CRHR2: variants seen among roughly 807,000 people sequenced by gnomAD.
CRHR2 encodes corticotropin-releasing hormone receptor 2.
Under a neutral mutation model 57.9 loss-of-function variants are expected in CRHR2, and 53 were observed. The observed-to-expected ratio is 0.92, with a 90% confidence interval of 0.73 to 1.15. CRHR2 has a LOEUF of 1.15. Among genes scored for constraint, CRHR2 ranks in the 50% most tolerant of loss-of-function variants. The probability of loss-of-function intolerance (pLI) is 0.00; values close to 1 mark genes in which losing one functional copy is unlikely to be tolerated. For synonymous variants in CRHR2, 213 were observed against 220.9 expected (o/e 0.96, Z 0.32); for missense variants, 532 against 542.6 (o/e 0.98, Z 0.19).
intron 1 of CRHR2, among the ~76,000 whole-genome samples, chr7:30,698,423 G>A (rs1474959584): frequency 6.6e-6 from 1 of 152,138 alleles, no homozygotes; most frequent in African/African-American, 2.4e-5. Context: ...GGGACGGGCT[G>A]AGGGGCAACC....
chr7:30,689,181 G>T, intron 2 of CRHR2: 1 of 1,548,392 alleles, frequency 6.5e-7, no homozygotes, highest in Non-Finnish European at 8.7e-7. Context: ...TGGTGGCAGA[G>T]GGTACCTACC....
intron 8 of CRHR2, among the ~76,000 whole-genome samples, chr7:30,660,226 C>T (rs920836045): frequency 5.3e-5 from 8 of 152,326 alleles, no homozygotes; most frequent in African/African-American, 1.9e-4. Context: ...CAGAAGCCCG[C>T]ACACTCTTCT....
At chr7:30,676,207 TCTGGATGGCCACAAGGGCATCCA>T (rs1227901631) in intron 2 of CRHR2, among the ~76,000 whole-genome samples, 1 of 152,222 alleles carries the variant, frequency 6.6e-6, no homozygotes, top group African/African-American at 2.4e-5. Flanking sequence ...CTCTGGGGTG[TCTGGATGGCCACAAGGGCATCCA>T]CTTCTGCTCT....
chr7:30,685,715 A>G (rs957715857), upstream of CRHR2, among the ~76,000 whole-genome samples: 3 of 152,240 alleles, frequency 2.0e-5, no homozygotes, highest in African/African-American at 7.2e-5. Context: ...CTTGTTTTAC[A>G]GATGGACAAT....
chr7:30,692,723 C>T (rs1022880496), intron 1 of CRHR2, among the ~76,000 whole-genome samples: 2 of 152,162 alleles, frequency 1.3e-5, no homozygotes, highest in East Asian at 3.9e-4. Context: ...AGTGCTAGAC[C>T]TGCCTCTAAA....
intron 2 of CRHR2, 64 bp downstream of exon 2, chr7:30,681,851 A>G (rs897145630): frequency 1.3e-6 from 2 of 1,543,162 alleles, no homozygotes; most frequent in Admixed American, 4.2e-5. Flanking sequence ...AATCCTCTTT[A>G]CTCCCTAAAC....
chr7:30,688,944 G>T (rs568358208), intron 2 of CRHR2: 3 of 609,976 alleles, frequency 4.9e-6, no homozygotes, highest in Non-Finnish European at 9.2e-6. Flanking sequence ...GACTTCCATC[G>T]TGGGAGCTGG....
chr7:30,666,576 C>G (rs36086584), intron 3 of CRHR2, among the ~76,000 whole-genome samples: 18,970 of 152,276 alleles, frequency 0.12, 1,575 homozygotes, highest in Non-Finnish European at 0.17. Context: ...TGCAGAATCA[C>G]TTTCTCAGGG....
chr7:30,654,912 C>T lies in CRHR2; in HGVS notation c.1095+127G>A, dbSNP rs73294471. The T allele has an allele frequency of 4.0e-3, 6,265 of 1,552,540 alleles. 195 individuals carry two copies. The African/African-American group carries it at 0.07, about 17-fold the overall frequency. ...AGAAGGATTCCTGTTCCCCTAAGGC[C>T]GGGTGGTATCTCAAGGCTTCCTCTC... On this transcript the variant is annotated intron_variant, in intron 11 of 11. Coordinates refer to ENST00000471646, the MANE Select transcript of CRHR2 (RefSeq NM_001883.5).
intron 6 of CRHR2, among the ~76,000 whole-genome samples, chr7:30,662,457 A>T (rs1784042098): frequency 6.6e-6 from 1 of 152,196 alleles, no homozygotes; most frequent in Non-Finnish European, 1.5e-5. Flanking sequence ...TGAGCCAGAG[A>T]CAAAGGCCTT....
chr7:30,670,092 C>G (rs1357625109), intron 2 of CRHR2, among the ~76,000 whole-genome samples: 1 of 152,044 alleles, frequency 6.6e-6, no homozygotes, highest in Non-Finnish European at 1.5e-5. Context: ...GCCCTTGAAC[C>G]ACAATAACAC....
chr7:30,678,684 A>T (rs1784599922), intron 2 of CRHR2, among the ~76,000 whole-genome samples: 1 of 152,094 alleles, frequency 6.6e-6, no homozygotes, highest in Non-Finnish European at 1.5e-5. Context: ...CTGCTTCCTG[A>T]ACATCTCCAC....
chr7:30,670,856 C>G (rs1784332790), intron 2 of CRHR2, among the ~76,000 whole-genome samples: 1 of 152,204 alleles, frequency 6.6e-6, no homozygotes, highest in African/African-American at 2.4e-5. Context: ...GGAGTGTGGG[C>G]TTCCAGGGGC....
Position 30,655,031 on chromosome 7 carries a change from C to T in CRHR2, c.1095+8G>A. The T allele has an allele frequency of 6.2e-7, 1 of 1,612,894 alleles. No individual in the cohort carries two copies. Among genetic ancestry groups the T allele is most frequent in the Non-Finnish European group, 8.5e-7 (1 of 1,179,354 alleles). ...ATCCCAGGCCACCCCGAGGGCCCAG[C>T]TTCATACCTCTCCATTGAAGAAGCA... On this transcript the variant is annotated splice_region_variant and intron_variant, in intron 11 of 11. Transcript: ENST00000471646.
chr7:30,653,993 C>T lies in CRHR2; in HGVS notation c.1096-393G>A, dbSNP rs781466283. On this transcript the variant is annotated intron_variant, in intron 11 of 11. Transcript: ENST00000471646. This position sits in a 1 kb window ranked among gnomAD's most constrained non-coding sequence, Gnocchi z 5.0. ...TTGCAGGGCGTTGGTGGTGTGCGCC[C>T]AGCTCACACACCTGGTGCGCCTCCT... 5.3e-5 allele frequency among the ~76,000 whole-genome samples: 8 copies of T among 152,090 alleles called. No homozygotes were observed. The highest frequency in any genetic ancestry group is 7.2e-5 in the African/African-American group (3 of 41,416).
At chr7:30,663,671 C>G (rs1784092354) in intron 5 of CRHR2, among the ~76,000 whole-genome samples, 2 of 152,222 alleles carry the variant, frequency 1.3e-5, no homozygotes, top group Non-Finnish European at 2.9e-5. Flanking sequence ...GACCCTGCCC[C>G]TTTAGAGCCA....
chr7:30,669,721 G>A (rs1784298132), intron 2 of CRHR2, among the ~76,000 whole-genome samples: 1 of 152,056 alleles, frequency 6.6e-6, no homozygotes, highest in African/African-American at 2.4e-5. Flanking sequence ...TCTGCTTAAA[G>A]CCATCAGTGG....
At chr7:30,686,577 G>C (rs1218623861), upstream of CRHR2, 2 of 1,490,456 alleles carry the variant, frequency 1.3e-6, no homozygotes, top group Non-Finnish European at 1.8e-6. Flanking sequence ...GGGAAGCCAA[G>C]GTAGGCAGAT....
intron 2 of CRHR2, among the ~76,000 whole-genome samples, chr7:30,679,132 C>A (rs1275432668): frequency 6.6e-6 from 1 of 152,214 alleles, no homozygotes; most frequent in Non-Finnish European, 1.5e-5. Flanking sequence ...GCCTAGAGGG[C>A]CTCTCCTGTG....
Sources: allele counts gnomAD v4.1 joint callset (sites outside exome capture counted in the v4.1 genomes callset), GRCh38; gene constraint gnomAD v4.1.1; non-coding constraint Gnocchi (gnomAD v3.1); transcripts MANE v1.5; gene names NCBI Gene and HGNC (gene_info 2026-07-23, HGNC 2026-07-21).